Variants in WWP1 observed in about 807,000 individuals in gnomAD.
The protein encoded by WWP1 is WW domain containing E3 ubiquitin protein ligase 1.
Under a neutral mutation model 130.6 loss-of-function variants are expected in WWP1, and 49 were observed. The ratio of observed to expected loss-of-function variants is 0.38; its 90% CI spans 0.30 to 0.48. The LOEUF (loss-of-function observed/expected upper bound fraction) is 0.48, where lower values mean the gene tolerates loss of function less well. WWP1 is among the 20% of genes least tolerant of loss of function. WWP1 has a pLI of 0.99. For synonymous variants in WWP1, 332 were observed against 367.8 expected (o/e 0.90, Z 1.11); for missense variants, 809 against 1,100.6 (o/e 0.74, Z 3.75).
chr8:86,404,394 T>C (rs1009906522), intron 8 of WWP1, among the ~76,000 whole-genome samples: 4 of 152,210 alleles, frequency 2.6e-5, no homozygotes, highest in African/African-American at 4.8e-5. Flanking sequence ...CAGATGTTGA[T>C]ATAAAAAGGA....
At position 86,342,597 on chromosome 8, in the gene WWP1, T is replaced by C. The variant is rs896057786; in HGVS notation, c.-448T>C. On this transcript the variant is annotated 5_prime_UTR_variant, in exon 1 of 25. Coordinates refer to ENST00000517970, the MANE Select transcript of WWP1 (RefSeq NM_007013.4). ...TGGGCGGCCGCGGCGTAGCGCGCGG[T>C]GCCGGGGCCGGCGGGGAGGCGCGCG... The C allele has an allele frequency of 1.2e-5, 2 of 165,474 alleles. No homozygotes were observed. The highest frequency in any genetic ancestry group is 3.6e-4 in the East Asian group (2 of 5,570). The allele number at this position is 165,474 out of a possible 1,614,324, so 10.3% of individuals were successfully genotyped here. A position where few individuals can be genotyped will look rare whatever the true frequency, so the allele number is the denominator to read the frequency against.
At chr8:86,350,533 G>A (rs1001999873) in intron 1 of WWP1, among the ~76,000 whole-genome samples, 3 of 152,122 alleles carry the variant, frequency 2.0e-5, no homozygotes, top group African/African-American at 7.2e-5. Context: ...GCGGGGAGGA[G>A]TTTGGTAATT....
At chr8:86,401,585 T>G (rs994967778) in intron 7 of WWP1, among the ~76,000 whole-genome samples, 49 of 152,024 alleles carry the variant, frequency 3.2e-4, no homozygotes, top group African/African-American at 1.0e-3. Flanking sequence ...AGTTTATACT[T>G]GATTTTTATT....
At chr8:86,404,004 T>C (rs1327078440) in intron 8 of WWP1, among the ~76,000 whole-genome samples, 1 of 152,234 alleles carries the variant, frequency 6.6e-6, no homozygotes, top group Admixed American at 6.5e-5. Flanking sequence ...AAGAACAGAC[T>C]AGTTAAAACT....
rs111771495 is a variant in WWP1, at chr8:86,439,258, G to C, written c.1838+585G>C. On this transcript the variant is annotated intron_variant, in intron 17 of 24. Transcript: ENST00000517970. Reference sequence around the variant, plus strand: ...CTCGGGAGGGTAAGGCAGGAGAATGGTGTGAACCCAGGAGGCGGAGCTTGC... The same window carrying C: ...CTCGGGAGGGTAAGGCAGGAGAATGCTGTGAACCCAGGAGGCGGAGCTTGC... Among the ~76,000 whole-genome samples, 389 of 150,936 alleles carry C rather than the reference G, an allele frequency of 2.6e-3. 1 individual carries two copies. The highest frequency in any genetic ancestry group is 6.4e-3 in the Admixed American group (95 of 14,892).
At chr8:86,343,960 AT>A (rs886251122) in intron 1 of WWP1, among the ~76,000 whole-genome samples, 4,120 of 143,742 alleles carry the variant, frequency 0.029, 188 homozygotes, top group African/African-American at 0.093. Flanking sequence ...AGTTACCTGC[AT>A]TTTTTTTTTT....
intron 17 of WWP1, 112 bp downstream of exon 17, chr8:86,438,785 T>C (rs1014146925): frequency 1.1e-6 from 1 of 882,218 alleles, no homozygotes; most frequent in African/African-American, 1.7e-5. Flanking sequence ...GAATTAACAA[T>C]CCAGAATTTT....
chr8:86,372,302 G>A (rs924199141), intron 2 of WWP1, among the ~76,000 whole-genome samples: 2 of 152,032 alleles, frequency 1.3e-5, no homozygotes, highest in African/African-American at 2.4e-5. Flanking sequence ...GATTACAGGC[G>A]TGAGCCACCG....
At chr8:86,423,965 TTAAGTTAG>T (rs1158184589) in intron 9 of WWP1, among the ~76,000 whole-genome samples, 14 of 3,330 alleles carry the variant, frequency 4.2e-3, no homozygotes, top group Non-Finnish European at 9.1e-3. Context: ...AAGCGCTAAC[TTAAGTTAG>T]CGCTTATGGG....
intron 20 of WWP1, 108 bp downstream of exon 20, chr8:86,448,621 T>C (rs536018535): frequency 2.9e-6 from 3 of 1,041,178 alleles, no homozygotes; most frequent in African/African-American, 3.3e-5. Context: ...GAAGTTCTTC[T>C]CACCAGTACC....
chr8:86,383,042 A>G (rs1200711719), intron 5 of WWP1, among the ~76,000 whole-genome samples: 2 of 152,232 alleles, frequency 1.3e-5, no homozygotes, highest in East Asian at 3.8e-4. Flanking sequence ...TTATGAGTTA[A>G]GAAAATATAA....
chr8:86,431,538 A>T, intron 13 of WWP1, 48 bp downstream of exon 13: 3 of 1,611,402 alleles, frequency 1.9e-6, no homozygotes, highest in Non-Finnish European at 2.5e-6. Flanking sequence ...ATCAGTAGGT[A>T]GAACCAACCA....
intron 8 of WWP1, among the ~76,000 whole-genome samples, chr8:86,408,826 CT>C (rs1808419699): frequency 1.3e-5 from 2 of 152,002 alleles, no homozygotes; most frequent in African/African-American, 4.8e-5. Context: ...AGGAGAATTG[CT>C]TGAACCTGGG....
chr8:86,381,964 A>G (rs1046166266), intron 5 of WWP1, among the ~76,000 whole-genome samples: 1 of 152,156 alleles, frequency 6.6e-6, no homozygotes, highest in Non-Finnish European at 1.5e-5. Flanking sequence ...GACTACTAAC[A>G]ATTTTATTTG....
chr8:86,454,525 G>C (rs1353596688), intron 21 of WWP1, among the ~76,000 whole-genome samples: 1 of 152,032 alleles, frequency 6.6e-6, no homozygotes. Flanking sequence ...GACATTTTTA[G>C]AGTAGTATTT....
chr8:86,380,939 A>G (rs117873857), intron 4 of WWP1, 75 bp downstream of exon 4: 22,661 of 1,417,584 alleles, frequency 0.016, 283 homozygotes, highest in South Asian at 0.04. Flanking sequence ...TTGTTTTGTA[A>G]AATGACTTCA....
intron 1 of WWP1, 41 bp downstream of exon 1, chr8:86,342,971 A>G (rs867841511): frequency 2.6e-4 from 30 of 116,182 alleles, no homozygotes; most frequent in Middle Eastern, 4.2e-3. Context: ...GCGAATGGGC[A>G]GGGCGGGAGG....
intron 8 of WWP1, 54 bp downstream of exon 8, chr8:86,402,257 T>A: frequency 6.3e-7 from 1 of 1,575,598 alleles, no homozygotes; most frequent in Non-Finnish European, 8.6e-7. Flanking sequence ...ATGAAGTTTA[T>A]GTATCCATCC....
intron 5 of WWP1, among the ~76,000 whole-genome samples, chr8:86,388,159 CTTTTTTTT>C (rs757352807): frequency 3.6e-5 from 5 of 139,562 alleles, no homozygotes; most frequent in African/African-American, 1.3e-4. Context: ...TTATCTCTGC[CTTTTTTTT>C]TTTTTTAAAC....
Sources: allele counts gnomAD v4.1 joint callset (sites outside exome capture counted in the v4.1 genomes callset), GRCh38; gene constraint gnomAD v4.1.1; transcripts MANE v1.5; gene names NCBI Gene and HGNC (gene_info 2026-07-23, HGNC 2026-07-21).